PCA3: variants seen among roughly 807,000 people sequenced by gnomAD.
PCA3 encodes Differential Display code 3.
intron 2 of PCA3, among the ~76,000 whole-genome samples, chr9:76,780,504 A>G (rs368393207): frequency 2.6e-5 from 4 of 152,018 alleles, no homozygotes; most frequent in Non-Finnish European, 5.9e-5. Flanking sequence ...TGGCTAACAC[A>G]GTGAAACCCT....
intron 2 of PCA3, chr9:76,778,787 G>C (rs538561886): frequency 6.6e-6 from 1 of 152,280 alleles, no homozygotes; most frequent in South Asian, 2.1e-4. Context: ...ACATTTGGTG[G>C]AACTGAGAAA....
At chr9:76,779,005 AT>A (rs1456358428) in intron 2 of PCA3, 1 of 152,200 alleles carries the variant, frequency 6.6e-6, no homozygotes, top group African/African-American at 2.4e-5. Context: ...ATCACTAGTC[AT>A]CTTAAATAAA....
intron 2 of PCA3, chr9:76,785,003 A>C (rs971801417): frequency 6.6e-6 from 1 of 152,220 alleles, no homozygotes; most frequent in South Asian, 2.1e-4. Context: ...AAGATGACTA[A>C]GTCCTTTATC....
At chr9:76,778,187 G>C (rs1488327456) in intron 2 of PCA3, among the ~76,000 whole-genome samples, 3 of 152,178 alleles carry the variant, frequency 2.0e-5, no homozygotes, top group African/African-American at 7.2e-5. Flanking sequence ...AGTTTCCTAG[G>C]CAAGTCAAGG....
intron 2 of PCA3, among the ~76,000 whole-genome samples, chr9:76,768,573 ATG>A (rs1281648480): frequency 4.2e-5 from 5 of 118,810 alleles, no homozygotes; most frequent in African/African-American, 1.2e-4. Flanking sequence ...TGATATATAT[ATG>A]TATATGTATG....
At chr9:76,779,120 A>C (rs1407049679) in intron 2 of PCA3, among the ~76,000 whole-genome samples, 1 of 152,268 alleles carries the variant, frequency 6.6e-6, no homozygotes, top group African/African-American at 2.4e-5. Flanking sequence ...CATTAAACAT[A>C]AAATCAATGT....
intron 2 of PCA3, among the ~76,000 whole-genome samples, chr9:76,767,686 AC>A (rs1436776019): frequency 4.6e-5 from 7 of 151,576 alleles, no homozygotes; most frequent in African/African-American, 7.3e-5. Context: ...TCATCTCTTG[AC>A]CCTATTTTGT....
At chr9:76,774,450 C>CTTTTTTTATTTATTTATTTATTTATTTAT (rs1564272256) in intron 2 of PCA3, among the ~76,000 whole-genome samples, 3 of 41,402 alleles carry the variant, frequency 7.2e-5, no homozygotes, top group Non-Finnish European at 1.2e-4. Flanking sequence ...CAGTTCAACC[C>CTTTTTTTATTTATTTATTTATTTATTTAT]TTTTTTTTTT....
chr9:76,774,068 T>A (rs2053420029), intron 2 of PCA3, among the ~76,000 whole-genome samples: 1 of 152,152 alleles, frequency 6.6e-6, no homozygotes. Context: ...ATAATTAGAT[T>A]ATTTACTTGA....
rs117788524 is a variant in PCA3 at position 76,781,943 on chromosome 9, G to A, written n.853-26640G>A. Among the ~76,000 whole-genome samples the A allele has an allele frequency of 9.3e-4, 141 of 152,140 alleles. No homozygotes were observed. In the East Asian group the frequency reaches 0.021, roughly 22 times the overall value. ...GCATTGGGAAAGCCTGGCCGGGCGCGGTGGCTCACGCCTGTAATCCCAGCA... is the reference window on the plus strand; with the variant it reads ...GCATTGGGAAAGCCTGGCCGGGCGCAGTGGCTCACGCCTGTAATCCCAGCA... On this transcript the variant is annotated intron_variant and non_coding_transcript_variant, in intron 2 of 5. Transcript: ENST00000644657.
chr9:76,767,254 C>T (rs893955568), intron 2 of PCA3, among the ~76,000 whole-genome samples: 4 of 152,046 alleles, frequency 2.6e-5, no homozygotes, highest in Non-Finnish European at 4.4e-5. Flanking sequence ...GAGTTCAAGA[C>T]CGGCCTGACC....
intron 2 of PCA3, chr9:76,786,866 AG>A (rs2055039005): frequency 1.3e-5 from 2 of 152,218 alleles, no homozygotes; most frequent in African/African-American, 4.8e-5. Context: ...TCCCCAATGT[AG>A]CCATGCAAAT....
chr9:76,779,478 G>C (rs1194493453), intron 2 of PCA3, among the ~76,000 whole-genome samples: 4 of 152,158 alleles, frequency 2.6e-5, no homozygotes, highest in Non-Finnish European at 5.9e-5. Context: ...AAAAATGGTG[G>C]CTGTCAACAT....
intron 2 of PCA3, among the ~76,000 whole-genome samples, chr9:76,771,214 G>A (rs2053067653): frequency 6.6e-6 from 1 of 152,182 alleles, no homozygotes; most frequent in South Asian, 2.1e-4. Context: ...TTTGATAACT[G>A]GTGATCAAAT....
rs751700350 is a variant in PCA3 at position 76,768,577 on chromosome 9, ATATGTATG to A, written n.852+31964_852+31971del. On this transcript the variant is annotated intron_variant and non_coding_transcript_variant, in intron 2 of 5. Coordinates refer to ENST00000644657, the Ensembl canonical transcript of PCA3. ...TATCTTTGGGTTGATATATATATGT[ATATGTATG>A]TGTGTGTGTGTGTGTGTGTGTGTGT... 7.9e-3 allele frequency among the ~76,000 whole-genome samples: 773 copies of A among 98,128 alleles called. 5 individuals are homozygous for A. The highest frequency in any genetic ancestry group is 0.014 in the South Asian group (31 of 2,202). 64.4% of individuals were successfully genotyped at this position (98,128 alleles called of 152,430 possible).
chr9:76,770,411 A>C (rs1012344580), intron 2 of PCA3, among the ~76,000 whole-genome samples: 3 of 152,132 alleles, frequency 2.0e-5, no homozygotes, highest in East Asian at 1.9e-4. Flanking sequence ...TTTCAATCCA[A>C]TCTATTGCCT....
intron 2 of PCA3, among the ~76,000 whole-genome samples, chr9:76,773,733 C>T (rs1384324894): frequency 6.6e-6 from 1 of 152,102 alleles, no homozygotes; most frequent in African/African-American, 2.4e-5. Context: ...CGTGAGCCAC[C>T]GCACCCGGCC....
At chr9:76,769,844 G>T (rs143311882) in intron 2 of PCA3, among the ~76,000 whole-genome samples, 1 of 152,182 alleles carries the variant, frequency 6.6e-6, no homozygotes, top group East Asian at 1.9e-4. Context: ...TCAAAAAAGC[G>T]GTAGCAATTA....
At chr9:76,783,108 A>G (rs2054596199) in intron 2 of PCA3, among the ~76,000 whole-genome samples, 1 of 152,276 alleles carries the variant, frequency 6.6e-6, no homozygotes, top group African/African-American at 2.4e-5. Context: ...CACTTGATTA[A>G]CATCAGTTGT....
Sources: allele counts gnomAD v4.1 joint callset (sites outside exome capture counted in the v4.1 genomes callset), GRCh38; gene constraint gnomAD v4.1.1; transcripts MANE v1.5; gene names NCBI Gene and HGNC (gene_info 2026-07-23, HGNC 2026-07-21).